Variants in ITFG1 observed in about 807,000 individuals in gnomAD.
ITFG1 encodes the protein integrin alpha FG-GAP repeat containing 1.
A neutral mutation model predicts 81.8 loss-of-function variants in ITFG1; 34 were observed. That is an observed-to-expected ratio of 0.42 (90% CI 0.32 to 0.55). The LOEUF (loss-of-function observed/expected upper bound fraction) is 0.55. Ranked by LOEUF, ITFG1 falls within the 20% of genes least tolerant of loss-of-function variation. The pLI, the probability that ITFG1 is intolerant of heterozygous loss-of-function variation, is 0.17. For synonymous variants in ITFG1, 285 were observed against 270.6 expected, an observed-to-expected ratio of 1.05 and a Z score of -0.52; for missense variants, 672 against 755.4, an observed-to-expected ratio of 0.89 and a Z score of 1.29.
intron 10 of ITFG1, 122 bp downstream of exon 10, chr16:47,311,118 A>G: frequency 1.6e-6 from 1 of 611,490 alleles, no homozygotes; most frequent in Non-Finnish European, 2.6e-6. Flanking sequence ...AACTGAGCTC[A>G]CCATGTTCCT....
At chr16:47,425,234 T>C (rs991541198) in intron 6 of ITFG1, among the ~76,000 whole-genome samples, 2 of 152,094 alleles carry the variant, frequency 1.3e-5, no homozygotes, top group Admixed American at 1.3e-4. Context: ...ACTCCGTGGG[T>C]GTGGGACCCG....
intron 17 of ITFG1, 22 bp from the exon 18 acceptor site, chr16:47,155,800 GT>G: frequency 1.3e-6 from 2 of 1,530,114 alleles, no homozygotes; most frequent in Non-Finnish European, 1.8e-6. Context: ...TTTTAGACTC[GT>G]TTATAAATGG....
intron 6 of ITFG1, among the ~76,000 whole-genome samples, chr16:47,376,273 C>T (rs964539442): frequency 3.9e-5 from 6 of 152,060 alleles, no homozygotes; most frequent in East Asian, 3.9e-4. Context: ...ATATTCTGAT[C>T]GCAATCACAT....
chr16:47,352,112 A>G (rs113963972), intron 8 of ITFG1, among the ~76,000 whole-genome samples: 1 of 152,214 alleles, frequency 6.6e-6, no homozygotes, highest in African/African-American at 2.4e-5. Flanking sequence ...AACCCTAGAA[A>G]AAACCTAGAC....
intron 6 of ITFG1, among the ~76,000 whole-genome samples, chr16:47,410,390 A>C (rs1968794918): frequency 6.6e-6 from 1 of 152,196 alleles, no homozygotes; most frequent in African/African-American, 2.4e-5. Flanking sequence ...TAATAATATT[A>C]ATTATATAAT....
intron 13 of ITFG1, among the ~76,000 whole-genome samples, chr16:47,225,227 C>T (rs1965743533): frequency 6.6e-6 from 1 of 151,148 alleles, no homozygotes; most frequent in South Asian, 2.1e-4. Flanking sequence ...TATGTCAATT[C>T]ATATTATCTA....
chr16:47,426,994 G>C (rs762081197), intron 6 of ITFG1, among the ~76,000 whole-genome samples: 13 of 152,188 alleles, frequency 8.5e-5, no homozygotes, highest in Admixed American at 5.9e-4. Flanking sequence ...GGAAGTGGGG[G>C]CGGAGGTGGG....
intron 6 of ITFG1, among the ~76,000 whole-genome samples, chr16:47,381,820 C>T (rs1968399780): frequency 6.6e-6 from 1 of 152,216 alleles, no homozygotes; most frequent in East Asian, 1.9e-4. Flanking sequence ...TTTGCAGCAG[C>T]AGTTTAATTG....
In ITFG1 at chr16:47,256,796, C is replaced by A. The variant is rs192845164; in HGVS notation, c.1330+1836G>T. The stretch of plus-strand genomic sequence containing the variant: ...CTCAAAATAAATCTCAACACTAATA[C>A]GTTCTGTTGCTTTTCTGGGTTCAGC... On this transcript the variant is annotated intron_variant, in intron 12 of 17. Coordinates refer to ENST00000320640, the MANE Select transcript of ITFG1 (RefSeq NM_030790.5). Among the ~76,000 whole-genome samples the A allele has an allele frequency of 2.0e-5, 3 of 152,300 alleles. No homozygotes were observed. In the South Asian group the frequency reaches 6.2e-4, roughly 32 times the overall value.
At chr16:47,438,007 C>T (rs553391021) in intron 5 of ITFG1, among the ~76,000 whole-genome samples, 1 of 152,324 alleles carries the variant, frequency 6.6e-6, no homozygotes, top group East Asian at 1.9e-4. Context: ...TTCCAACGGG[C>T]TTAACAAACC....
Position 47,162,651 on chromosome 16 carries a change from G to A in ITFG1, c.1467C>T (p.Ser489=). Residue 489 remains serine, a synonymous_variant, in exon 15 of 18, where the codon AGC becomes AGT. Transcript: ENST00000320640. ...GTTGGAGAGCTAAATGTGCGGATTGGCTGAGTTGGCCAGCTAGAGTTATTC... is the reference window on the plus strand; with the variant it reads ...GTTGGAGAGCTAAATGTGCGGATTGACTGAGTTGGCCAGCTAGAGTTATTC... The part of the protein sequence containing the change: ...YLKNGSAGQL[S]QSAHLALQLP... The A allele has an allele frequency of 1.2e-6, 2 of 1,600,086 alleles. No individual in the cohort carries two copies. Among genetic ancestry groups the A allele is most frequent in the Admixed American group, 1.7e-5 (1 of 58,294 alleles).
chr16:47,187,113 G>A (rs940134156), intron 14 of ITFG1, among the ~76,000 whole-genome samples: 1 of 152,030 alleles, frequency 6.6e-6, no homozygotes, highest in Non-Finnish European at 1.5e-5. Context: ...AATAAAAGAG[G>A]ATACAAACAA....
At chr16:47,364,647 T>C (rs1187130401) in intron 8 of ITFG1, among the ~76,000 whole-genome samples, 1 of 152,166 alleles carries the variant, frequency 6.6e-6, no homozygotes, top group East Asian at 1.9e-4. Flanking sequence ...GCAACAGAAA[T>C]TTACTTAAAA....
chr16:47,291,501 G>A (rs998195903), intron 10 of ITFG1, among the ~76,000 whole-genome samples: 45 of 152,146 alleles, frequency 3.0e-4, no homozygotes, highest in Non-Finnish European at 6.2e-4. Flanking sequence ...GACATGGAAA[G>A]TGTTCATCTA....
At chr16:47,204,143 A>T (rs750333328) in intron 14 of ITFG1, among the ~76,000 whole-genome samples, 1 of 152,128 alleles carries the variant, frequency 6.6e-6, no homozygotes, top group East Asian at 1.9e-4. Flanking sequence ...TAAAAATGTA[A>T]TTTTGTCCAA....
chr16:47,320,315 T>C (rs1256354878), intron 8 of ITFG1, among the ~76,000 whole-genome samples: 1 of 152,236 alleles, frequency 6.6e-6, no homozygotes, highest in Non-Finnish European at 1.5e-5. Context: ...GATTTACTAA[T>C]ATTTTGCTTT....
chr16:47,457,199 T>C (rs1046961729), intron 2 of ITFG1, among the ~76,000 whole-genome samples: 1 of 151,578 alleles, frequency 6.6e-6, no homozygotes, highest in African/African-American at 2.4e-5. Flanking sequence ...TAATCCCAGC[T>C]ACTTGGGAGA....
At chr16:47,257,639 C>T (rs1966155650) in intron 12 of ITFG1, among the ~76,000 whole-genome samples, 2 of 152,186 alleles carry the variant, frequency 1.3e-5, no homozygotes, top group African/African-American at 4.8e-5. Flanking sequence ...GCAACGAATT[C>T]ATGGTTTTAT....
At position 47,249,853 on chromosome 16, in the gene ITFG1, A is replaced by C. The variant is rs191045275; in HGVS notation, c.1330+8779T>G. Among the ~76,000 whole-genome samples the C allele has an allele frequency of 7.9e-5, 12 of 152,320 alleles. No individual in the cohort carries two copies. The East Asian group carries it at 2.3e-3, about 29-fold the overall frequency. On this transcript the variant is annotated intron_variant, in intron 12 of 17. Coordinates refer to ENST00000320640, the MANE Select transcript of ITFG1 (RefSeq NM_030790.5). Reference sequence around the variant, plus strand: ...ATTTCACACAAATGTCAAAACCAAAACCCAAATATGGCAATAATCGTGCAT... The same window carrying C: ...ATTTCACACAAATGTCAAAACCAAACCCCAAATATGGCAATAATCGTGCAT...
Sources: gnomAD v4.1 joint callset for allele counts (sites outside exome capture counted in the v4.1 genomes callset) on GRCh38, gnomAD v4.1.1 for gene constraint, MANE v1.5 for transcripts, NCBI Gene and HGNC (gene_info 2026-07-23, HGNC 2026-07-21) for gene names.